Variants in ARMH3 observed in about 807,000 individuals in gnomAD.
ARMH3 encodes armadillo like helical domain containing 3, also known as armadillo-like helical domain-containing protein 3.
Under a neutral mutation model 99.1 loss-of-function variants are expected in ARMH3, and 60 were observed. That is an observed-to-expected ratio of 0.61 (90% CI 0.49 to 0.75). The LOEUF (loss-of-function observed/expected upper bound fraction) is 0.75, where lower values mean the gene tolerates loss of function less well. Ranked by LOEUF, ARMH3 falls within the 30% of genes least tolerant of loss-of-function variation. ARMH3 has a pLI of 0.00. For synonymous variants in ARMH3, 285 were observed against 292.8 expected, an observed-to-expected ratio of 0.97 and a Z score of 0.27; for missense variants, 679 against 843.1, an observed-to-expected ratio of 0.81 and a Z score of 2.41.
chr10:102,052,826 C>G (rs2067739286), intron 1 of ARMH3, among the ~76,000 whole-genome samples: 1 of 152,048 alleles, frequency 6.6e-6, no homozygotes, highest in Admixed American at 6.6e-5. Flanking sequence ...CTCACCAGGT[C>G]TCTCACTTCC....
chr10:101,923,762 G>A (rs1353833079), intron 23 of ARMH3, among the ~76,000 whole-genome samples: 1 of 152,104 alleles, frequency 6.6e-6, no homozygotes, highest in African/African-American at 2.4e-5. Flanking sequence ...CTCTGTTGCG[G>A]TTTTGGGAGA....
At chr10:102,003,749 G>A (rs2066421037) in intron 14 of ARMH3, among the ~76,000 whole-genome samples, 1 of 152,164 alleles carries the variant, frequency 6.6e-6, no homozygotes, top group Non-Finnish European at 1.5e-5. Flanking sequence ...AGAAACATTT[G>A]CATTTTATGA....
At chr10:101,973,653 C>T (rs60662338) in intron 20 of ARMH3, among the ~76,000 whole-genome samples, 40 of 151,778 alleles carry the variant, frequency 2.6e-4, no homozygotes, top group African/African-American at 8.9e-4. Context: ...CAACAGATCA[C>T]GAGAATGAGA....
chr10:101,898,757 T>C (rs1486935243), intron 23 of ARMH3, among the ~76,000 whole-genome samples: 2 of 152,258 alleles, frequency 1.3e-5, no homozygotes, highest in Admixed American at 6.5e-5. Context: ...ACTACTCTTA[T>C]AAGACTACCA....
intron 24 of ARMH3, among the ~76,000 whole-genome samples, chr10:101,885,819 C>G (rs951303757): frequency 6.6e-6 from 1 of 151,042 alleles, no homozygotes; most frequent in Non-Finnish European, 1.5e-5. Context: ...TTTGGGAGCC[C>G]GAGGCGGGTG....
At chr10:101,889,269 C>A (rs2067627221) in intron 24 of ARMH3, 143 bp downstream of exon 24, 1 of 807,500 alleles carries the variant, frequency 1.2e-6, no homozygotes, top group Admixed American at 1.9e-5. Flanking sequence ...TACTATCAAC[C>A]AACCCCACAC....
At chr10:101,976,971 TCTTTCTTTTC>T (rs1354478043) in intron 19 of ARMH3, among the ~76,000 whole-genome samples, 4 of 152,172 alleles carry the variant, frequency 2.6e-5, no homozygotes, top group African/African-American at 9.6e-5. Flanking sequence ...TGTTTCTTTT[TCTTTCTTTTC>T]CTTTCTTTTC....
intron 14 of ARMH3, among the ~76,000 whole-genome samples, chr10:102,002,959 A>C (rs1362731909): frequency 8.2e-6 from 1 of 122,588 alleles, no homozygotes; most frequent in Non-Finnish European, 1.8e-5. Flanking sequence ...AGACTCTGTC[A>C]CAAATAAATA....
intron 20 of ARMH3, among the ~76,000 whole-genome samples, chr10:101,960,889 CAAAA>C (rs36000408): frequency 5.4e-5 from 4 of 74,576 alleles, no homozygotes; most frequent in Non-Finnish European, 2.5e-5. Flanking sequence ...AACTCCGTCT[CAAAA>C]AAAAAAAAAA....
intron 8 of ARMH3, among the ~76,000 whole-genome samples, chr10:102,019,526 C>T (rs1191053631): frequency 1.3e-5 from 2 of 151,978 alleles, no homozygotes; most frequent in Non-Finnish European, 2.9e-5. Flanking sequence ...CTTCCAAATG[C>T]GGAGGTGAAA....
intron 1 of ARMH3, among the ~76,000 whole-genome samples, chr10:102,044,655 C>T (rs1160766043): frequency 5.9e-5 from 9 of 152,168 alleles, no homozygotes; most frequent in Admixed American, 2.6e-4. Flanking sequence ...TGAGCCACTG[C>T]ACCCAGCCTT....
chr10:101,849,738 G>A, intron 25 of ARMH3, 38 bp downstream of exon 25: 1 of 1,556,526 alleles, frequency 6.4e-7, no homozygotes, highest in Non-Finnish European at 8.8e-7. Flanking sequence ...GCTGGGGGCG[G>A]GCCCCTAAGA....
intron 15 of ARMH3, among the ~76,000 whole-genome samples, chr10:101,996,941 T>C (rs1047939472): frequency 4.6e-5 from 7 of 151,996 alleles, no homozygotes; most frequent in African/African-American, 1.7e-4. Flanking sequence ...AAATCCCAAG[T>C]AATAAAGGCT....
chr10:101,941,411 C>T (rs1340387190), intron 22 of ARMH3, among the ~76,000 whole-genome samples: 1 of 152,154 alleles, frequency 6.6e-6, no homozygotes, highest in African/African-American at 2.4e-5. Flanking sequence ...TAGGGCCTCA[C>T]TAACATTAAG....
chr10:101,856,488 A>AT (rs1278693554), intron 24 of ARMH3, among the ~76,000 whole-genome samples: 1 of 151,442 alleles, frequency 6.6e-6, no homozygotes, highest in Non-Finnish European at 1.5e-5. Flanking sequence ...CTAATCTTCC[A>AT]TTTTCCCAAA....
At chr10:102,033,437 T>C in intron 2 of ARMH3, 98 bp from the exon 3 acceptor site, 1 of 1,235,702 alleles carries the variant, frequency 8.1e-7, no homozygotes, top group Non-Finnish European at 1.1e-6. Context: ...TTTTTTTTTT[T>C]GAGATGGAAT....
chr10:101,924,958 C>A (rs936788782), intron 23 of ARMH3, among the ~76,000 whole-genome samples: 5 of 152,164 alleles, frequency 3.3e-5, no homozygotes, highest in African/African-American at 1.2e-4. Context: ...CATGCCACTG[C>A]ACTCTGGCCT....
At chr10:102,041,381 A>G (rs541414527) in intron 1 of ARMH3, among the ~76,000 whole-genome samples, 215 of 152,122 alleles carry the variant, frequency 1.4e-3, no homozygotes, top group Non-Finnish European at 2.6e-3. Context: ...ATCCAATGAC[A>G]AGTATGTGAG....
intron 23 of ARMH3, among the ~76,000 whole-genome samples, chr10:101,893,313 G>T (rs1166402313): frequency 6.6e-6 from 1 of 152,118 alleles, no homozygotes; most frequent in Non-Finnish European, 1.5e-5. Flanking sequence ...CTCTGTAAAT[G>T]CATCCACATT....
Sources: allele counts gnomAD v4.1 joint callset (sites outside exome capture counted in the v4.1 genomes callset), GRCh38; gene constraint gnomAD v4.1.1; transcripts MANE v1.5; gene names NCBI Gene and HGNC (gene_info 2026-07-23, HGNC 2026-07-21).